Variants in CSMD1 observed in about 807,000 individuals in gnomAD.
The protein encoded by CSMD1 is CUB and Sushi multiple domains 1.
Under a neutral mutation model 417.5 loss-of-function variants are expected in CSMD1, and 213 were observed. That is an observed-to-expected ratio of 0.51 (90% CI 0.46 to 0.57). The LOEUF (loss-of-function observed/expected upper bound fraction) is 0.57, where lower values mean the gene tolerates loss of function less well. CSMD1 is among the 20% of genes least tolerant of loss of function. CSMD1 has a pLI of 0.00. For missense variants in CSMD1, 6,923 were observed against 4,529.7 expected (o/e 1.53, Z -15.17); for synonymous variants, 2,862 against 1,736.8 (o/e 1.65, Z -16.11).
Position 3,321,129 on chromosome 8 carries a change from GC to G in CSMD1, c.3632-12627del, listed in dbSNP as rs536517040. On this transcript the variant is annotated intron_variant, in intron 23 of 69. Coordinates refer to ENST00000635120, the MANE Select transcript of CSMD1 (RefSeq NM_033225.6). ...AACCTAGCCACCGAAGGCGTGCAAA[GC>G]CCCCTGCACCCACCATCAGGTGGGT... Among the ~76,000 whole-genome samples the G allele has an allele frequency of 1.5e-3, 222 of 152,100 alleles. 2 individuals carry two copies. The highest frequency in any genetic ancestry group is 2.6e-3 in the Non-Finnish European group (176 of 67,988).
At chr8:4,879,504 G>C (rs762321830) in intron 1 of CSMD1, among the ~76,000 whole-genome samples, 3 of 152,096 alleles carry the variant, frequency 2.0e-5, no homozygotes, top group Non-Finnish European at 4.4e-5. Context: ...AACATCTGCT[G>C]TTTATAAGGG....
chr8:3,412,305 TG>T (rs1227846113), intron 12 of CSMD1, among the ~76,000 whole-genome samples: 1 of 151,964 alleles, frequency 6.6e-6, no homozygotes, highest in East Asian at 1.9e-4. Flanking sequence ...AATATGTGTG[TG>T]CAAGTATCTT....
rs1041499508 is a variant in CSMD1, at chr8:3,997,875, C to G, written c.818+28G>C. The stretch of plus-strand genomic sequence containing the variant: ...AAAACGGGGAAAACACACCTGTATC[C>G]TTTGTGGCATCTCTTCCCGGGACTT... On this transcript the variant is annotated intron_variant, in intron 5 of 69. Coordinates refer to ENST00000635120, the MANE Select transcript of CSMD1 (RefSeq NM_033225.6). 3 of 1,591,778 alleles carry G rather than the reference C, an allele frequency of 1.9e-6. No homozygotes were observed. In the African/African-American group the frequency reaches 4.0e-5, roughly 21 times the overall value.
intron 26 of CSMD1, among the ~76,000 whole-genome samples, chr8:3,250,096 T>C (rs1329758888): frequency 1.3e-5 from 2 of 152,240 alleles, no homozygotes; most frequent in Admixed American, 1.3e-4. Context: ...TTAGGGTACA[T>C]GTGCACAACG....
At chr8:3,032,693 T>C (rs939080126) in intron 50 of CSMD1, among the ~76,000 whole-genome samples, 11 of 152,002 alleles carry the variant, frequency 7.2e-5, no homozygotes, top group African/African-American at 2.7e-4. Context: ...GCAGTCCCTG[T>C]CACATACACT....
chr8:3,730,508 G>T (rs2128076), intron 6 of CSMD1, among the ~76,000 whole-genome samples: 6 of 151,700 alleles, frequency 4.0e-5, no homozygotes, highest in Non-Finnish European at 8.8e-5. Context: ...ATGCTGATTT[G>T]GCCCCAGGTT....
intron 5 of CSMD1, among the ~76,000 whole-genome samples, chr8:3,758,969 C>G (rs1217652752): frequency 6.6e-6 from 1 of 152,188 alleles, no homozygotes; most frequent in Non-Finnish European, 1.5e-5. Flanking sequence ...AGGGCTTCAC[C>G]CTCTTGGCTG....
At chr8:4,145,845 G>T (rs1167086207) in intron 3 of CSMD1, among the ~76,000 whole-genome samples, 1 of 151,146 alleles carries the variant, frequency 6.6e-6, no homozygotes, top group South Asian at 2.1e-4. Context: ...AAGCAGAGCC[G>T]TTCACACCAG....
chr8:4,384,990 G>T (rs189051981), intron 3 of CSMD1, among the ~76,000 whole-genome samples: 1 of 152,088 alleles, frequency 6.6e-6, no homozygotes, highest in African/African-American at 2.4e-5. Flanking sequence ...GCGCAATCTC[G>T]ATCTCGGCTC....
chr8:3,388,139 C>A (rs62503520), intron 17 of CSMD1, among the ~76,000 whole-genome samples: 26,975 of 152,002 alleles, frequency 0.18, 2,501 homozygotes, highest in Middle Eastern at 0.26. Context: ...ATACATACAC[C>A]CAAACATATA....
intron 3 of CSMD1, among the ~76,000 whole-genome samples, chr8:4,342,367 G>T (rs148303922): frequency 9.9e-5 from 15 of 152,020 alleles, no homozygotes; most frequent in African/African-American, 3.6e-4. Flanking sequence ...ACATTCTACA[G>T]CTATCACATA....
intron 8 of CSMD1, among the ~76,000 whole-genome samples, chr8:3,587,303 G>C (rs1435296006): frequency 1.3e-5 from 2 of 152,214 alleles, no homozygotes; most frequent in African/African-American, 4.8e-5. Context: ...TTCTGAGCCT[G>C]GCTTCTGGCA....
At chr8:3,754,525 G>C (rs982758032) in intron 5 of CSMD1, among the ~76,000 whole-genome samples, 5 of 151,920 alleles carry the variant, frequency 3.3e-5, no homozygotes, top group African/African-American at 9.7e-5. Context: ...TGCGATCTCG[G>C]CTCACTGCAA....
intron 3 of CSMD1, among the ~76,000 whole-genome samples, chr8:4,063,982 G>A (rs763635672): frequency 3.3e-5 from 5 of 152,102 alleles, no homozygotes; most frequent in Non-Finnish European, 5.9e-5. Context: ...GTGTGTGTTG[G>A]GAAAATGGGG....
intron 5 of CSMD1, among the ~76,000 whole-genome samples, chr8:3,879,840 T>G (rs930713501): frequency 5.3e-5 from 8 of 151,896 alleles, no homozygotes; most frequent in Non-Finnish European, 1.0e-4. Flanking sequence ...CGTGTGCGTG[T>G]GTGTGTGTGT....
chr8:4,441,254 C>A (rs6993425), intron 2 of CSMD1, among the ~76,000 whole-genome samples: 1,422 of 140,468 alleles, frequency 0.01, 26 homozygotes, highest in African/African-American at 0.035. Context: ...CTGAGCACTA[C>A]ACTCAGTTTT....
At chr8:3,526,744 C>G (rs1231516794) in intron 10 of CSMD1, among the ~76,000 whole-genome samples, 1 of 152,180 alleles carries the variant, frequency 6.6e-6, no homozygotes, top group Non-Finnish European at 1.5e-5. Flanking sequence ...AAGTTACTTA[C>G]CCTCATTCAG....
chr8:3,999,971 A>C (rs75634800), intron 4 of CSMD1, among the ~76,000 whole-genome samples: 3,015 of 152,352 alleles, frequency 0.02, 84 homozygotes, highest in East Asian at 0.14. Context: ...AGATTATAAA[A>C]ATTATGCTAC....
intron 5 of CSMD1, among the ~76,000 whole-genome samples, chr8:3,830,932 CTTAAG>C (rs1802340076): frequency 6.6e-6 from 1 of 152,076 alleles, no homozygotes; most frequent in Non-Finnish European, 1.5e-5. Flanking sequence ...AAAATTATTT[CTTAAG>C]TTCTTTCTGA....
Sources: gnomAD v4.1 joint callset for allele counts (sites outside exome capture counted in the v4.1 genomes callset) on GRCh38, gnomAD v4.1.1 for gene constraint, MANE v1.5 for transcripts, NCBI Gene and HGNC (gene_info 2026-07-23, HGNC 2026-07-21) for gene names.